Variants in NOD2 observed in about 807,000 individuals in gnomAD.
NOD2 encodes the protein nucleotide-binding oligomerization domain-containing protein 2.
NOD2 carries 86 observed loss-of-function variants against 90.9 expected under a neutral mutation model. The ratio of observed to expected loss-of-function variants is 0.95; its 90% CI spans 0.79 to 1.13. The LOEUF (loss-of-function observed/expected upper bound fraction) is 1.13. NOD2 is among the 50% of genes most tolerant of loss of function. The probability of loss-of-function intolerance (pLI) is 0.00; values close to 1 mark genes in which losing one functional copy is unlikely to be tolerated. For synonymous variants in NOD2, 581 were observed against 554.6 expected (o/e 1.05, Z -0.67); for missense variants, 1,238 against 1,283.8 (o/e 0.96, Z 0.55).
chr16:50,700,663 T>C (rs971103326), intron 2 of NOD2, among the ~76,000 whole-genome samples: 2 of 152,230 alleles, frequency 1.3e-5, no homozygotes, highest in African/African-American at 4.8e-5. Context: ...ATGCTTAGGA[T>C]AGTGTCTATT....
chr16:50,712,200 T>C lies in NOD2; in HGVS notation c.2208T>C (p.Asn736=), dbSNP rs564815866. The change falls in exon 4 of 12, where the codon AAT becomes AAC. Residue 736 remains asparagine, a synonymous_variant. Transcript: ENST00000647318. ...CTCGGAAGGCTGCACGTGGCCTGAA[T>C]GTTGGGCACCTCAAGTTGACATTTT... ...RLARKAARGL[N]VGHLKLTFCS... is the part of the protein sequence containing the mutation. 1.2e-6 allele frequency: 2 copies of C among 1,613,974 alleles called. No individual in the cohort carries two copies. Among genetic ancestry groups the C allele is most frequent in the African/African-American group, 1.3e-5 (1 of 75,054 alleles).
intron 4 of NOD2, 81 bp from the exon 5 acceptor site, chr16:50,716,506 G>T: frequency 7.5e-7 from 1 of 1,325,034 alleles, no homozygotes. Flanking sequence ...AGGGATGAAT[G>T]AAAGTCTTTT....
intron 4 of NOD2, among the ~76,000 whole-genome samples, chr16:50,714,888 AAGAG>A (rs370750269): frequency 6.6e-6 from 1 of 151,614 alleles, no homozygotes; most frequent in Non-Finnish European, 1.5e-5. Context: ...ATGATTGAGA[AAGAG>A]AGAGAGAGAG....
chr16:50,700,326 G>A, intron 2 of NOD2, among the ~76,000 whole-genome samples: 1 of 151,590 alleles, frequency 6.6e-6, no homozygotes, highest in East Asian at 1.9e-4. Context: ...GTGTTGCTAT[G>A]TTGCCCAGGC....
At position 50,711,416 on chromosome 16, in the gene NOD2, A is replaced by G; in HGVS notation, c.1424A>G (p.Gln475Arg). The change falls in exon 4 of 12, where the codon CAG becomes CGG. Residue 475 changes from glutamine to arginine, a missense_variant. By Grantham distance (43) the Gln-to-Arg change is conservative. Transcript: ENST00000647318. ...AAATGCCACCAGGAACTGTTGCTGC[A>G]GGAGGGGGGGTCCCCAAAGACCACT... is the stretch of plus-strand genomic sequence containing the variant. ...VSKCHQELLL[Q>R]EGGSPKTTTD... 6.2e-7 allele frequency: 1 copy of G among 1,613,616 alleles called. No individual in the cohort carries two copies. The highest frequency in any genetic ancestry group is 1.1e-5 in the South Asian group (1 of 91,082).
At chr16:50,697,425 T>A in intron 1 of NOD2, 10 of 1,060,402 alleles carry the variant, frequency 9.4e-6, no homozygotes, top group Non-Finnish European at 1.4e-5. Flanking sequence ...CTGACTCTGT[T>A]TCTGGGCTGT....
rs773618663 is a variant in NOD2, at chr16:50,711,981, G to T, written c.1989G>T (p.Leu663=). 6.2e-7 allele frequency: 1 copy of T among 1,613,398 alleles called. No individual in the cohort carries two copies. Among genetic ancestry groups the T allele is most frequent in the South Asian group, 1.1e-5 (1 of 91,054 alleles). Residue 663 remains leucine, a synonymous_variant, in exon 4 of 12, where the codon CTG becomes CTT. Coordinates refer to ENST00000647318, the MANE Select transcript of NOD2 (RefSeq NM_001370466.1). ...GLLSREHWGL[L]AECQTSEKAL... is the part of the protein sequence containing the mutation. ...TGTCCCGGGAGCACTGGGGCCTGCTGGCTGAGTGCCAGACATCTGAGAAGG... is the reference window on the plus strand; with the variant it reads ...TGTCCCGGGAGCACTGGGGCCTGCTTGCTGAGTGCCAGACATCTGAGAAGG...
At position 50,725,680 on chromosome 16, in the gene NOD2, G is replaced by C. The variant is rs1018266954; in HGVS notation, c.2885+108G>C. The C allele has an allele frequency of 8.2e-6, 7 of 854,578 alleles. No individual in the cohort carries two copies. In the Admixed American group the frequency reaches 1.1e-4, roughly 13 times the overall value. The allele number at this position is 854,578 out of a possible 1,614,324, so 52.9% of individuals were successfully genotyped here. A position where few individuals can be genotyped will look rare whatever the true frequency, so the allele number is the denominator to read the frequency against. On this transcript the variant is annotated intron_variant, in intron 10 of 11. Transcript: ENST00000647318. ...CCGCTGGGCTAACTCATGTGAGGTG[G>C]CCTGGTAGAACAGCTTGCCTTGGTC...
In NOD2 at chr16:50,711,793, C is replaced by T. The variant is rs1334577515; in HGVS notation, c.1801C>T (p.His601Tyr). 1 of 1,614,254 alleles carries T rather than the reference C, an allele frequency of 6.2e-7. No individual in the cohort carries two copies. Among genetic ancestry groups the T allele is most frequent in the East Asian group, 2.2e-5 (1 of 44,892 alleles). ...TGATGTGCCACCAGCTTTGCTCAGA[C>T]ACCTCTTCAATTGTGGCAGGCCAGG... ...SADVPPALLR[H>Y]LFNCGRPGNS... Residue 601 changes from histidine to tyrosine, a missense_variant, in exon 4 of 12, where the codon CAC (histidine) becomes TAC (tyrosine). By Grantham distance (83) the His-to-Tyr change is moderately conservative (BLOSUM62 2). Coordinates refer to ENST00000647318, the MANE Select transcript of NOD2 (RefSeq NM_001370466.1).
chr16:50,702,144 T>C (rs1323542141), intron 2 of NOD2, among the ~76,000 whole-genome samples: 1 of 152,116 alleles, frequency 6.6e-6, no homozygotes, highest in Non-Finnish European at 1.5e-5. Context: ...TCTTGCTATG[T>C]TGAGGTCTCA....
At chr16:50,727,768 C>T in intron 10 of NOD2, 2 of 338,434 alleles carry the variant, frequency 5.9e-6, no homozygotes, top group East Asian at 7.8e-5. Context: ...ATGCCGGCTG[C>T]AGGTGTTGCA....
chr16:50,716,466 G>A lies in NOD2; in HGVS notation c.2382-121G>A, dbSNP rs112706859. ...TTTTGGGGTGCTCCATCTATGCAGG[G>A]TTTCCTGGAAGCACAGATGCTGGCA... On this transcript the variant is annotated intron_variant, in intron 4 of 11. Coordinates refer to ENST00000647318, the MANE Select transcript of NOD2 (RefSeq NM_001370466.1). The A allele has an allele frequency of 1.3e-4, 127 of 989,610 alleles. 1 individual carries two copies. The African/African-American group carries it at 1.9e-3, about 15-fold the overall frequency. 61.3% of individuals were successfully genotyped at this position (989,610 alleles called of 1,614,324 possible). A position where few individuals can be genotyped will look rare whatever the true frequency, so the allele number is the denominator to read the frequency against.
intron 7 of NOD2, among the ~76,000 whole-genome samples, chr16:50,721,234 AG>A (rs768482781): frequency 1.3e-5 from 2 of 151,798 alleles, no homozygotes; most frequent in Admixed American, 6.6e-5. Context: ...CTTCTGCTTG[AG>A]GTCACATCTG....
chr16:50,712,962 C>T (rs1168750842), intron 4 of NOD2: 1 of 166,634 alleles, frequency 6.0e-6, no homozygotes, highest in Admixed American at 5.4e-5. Context: ...GTTACAACTA[C>T]TGTTGGATTC....
At chr16:50,722,460 G>A (rs1004139339) in intron 7 of NOD2, among the ~76,000 whole-genome samples, 162 bp from the exon 8 acceptor site, 1 of 152,230 alleles carries the variant, frequency 6.6e-6, no homozygotes, top group Admixed American at 6.5e-5. Flanking sequence ...ATGGAGGCAG[G>A]TCCACTTTGC....
chr16:50,725,203 T>C (rs542645441), intron 9 of NOD2, among the ~76,000 whole-genome samples: 1 of 152,342 alleles, frequency 6.6e-6, no homozygotes, highest in South Asian at 2.1e-4. Context: ...ACCAAGTGCA[T>C]GGCTGTCCAA....
rs1964569468 is a variant in NOD2 at position 50,712,271 on chromosome 16, A to G, written c.2279A>G (p.Gln760Arg). The G allele has an allele frequency of 6.2e-7, 1 of 1,613,984 alleles. No individual in the cohort carries two copies. The highest frequency in any genetic ancestry group is 8.5e-7 in the Non-Finnish European group (1 of 1,180,048). The change falls in exon 4 of 12, where the codon CAG (glutamine) becomes CGG (arginine). Residue 760 changes from glutamine to arginine, a missense_variant. Transcript: ENST00000647318. ...TGTGCTGCCCTGGCCTTTGTGCTGC[A>G]GCACCTCCGGCGGCCCGTGGCCCTG... ...TECAALAFVLQHLRRPVALQL... is the reference protein window; with the variant it reads ...TECAALAFVLRHLRRPVALQL...
At chr16:50,716,541 TG>T in intron 4 of NOD2, 45 bp from the exon 5 acceptor site, 1 of 1,546,380 alleles carries the variant, frequency 6.5e-7, no homozygotes, top group Non-Finnish European at 8.9e-7. Flanking sequence ...ATTTTTTTCT[TG>T]TCTTACTAGC....
intron 1 of NOD2, chr16:50,697,347 C>T (rs2150776781): frequency 3.2e-6 from 5 of 1,541,904 alleles, no homozygotes; most frequent in Non-Finnish European, 4.4e-6. Flanking sequence ...CCCGTCCCAG[C>T]TTGATCCTCA....
Sources: gnomAD v4.1 joint callset for allele counts (sites outside exome capture counted in the v4.1 genomes callset) on GRCh38, gnomAD v4.1.1 for gene constraint, MANE v1.5 for transcripts, NCBI Gene and HGNC (gene_info 2026-07-23, HGNC 2026-07-21) for gene names.